The following DPP10 variants were observed in gnomAD, a reference collection of about 807,000 sequenced individuals.
DPP10 encodes the protein dipeptidyl peptidase like 10.
Under a neutral mutation model 120.9 loss-of-function variants are expected in DPP10, and 33 were observed. That is an observed-to-expected ratio of 0.27 (90% CI 0.21 to 0.37). The LOEUF (loss-of-function observed/expected upper bound fraction) is 0.37. Among genes scored for constraint, DPP10 ranks in the 10% least tolerant of loss-of-function variants. The probability of loss-of-function intolerance (pLI) is 1.00; values close to 1 mark genes in which losing one functional copy is unlikely to be tolerated. For synonymous variants in DPP10, 337 were observed against 326.1 expected (o/e 1.03, Z -0.36); for missense variants, 816 against 942.8 (o/e 0.87, Z 1.76).
chr2:115,082,352 G>A (rs939847275), intron 1 of DPP10, among the ~76,000 whole-genome samples: 7 of 152,044 alleles, frequency 4.6e-5, no homozygotes, highest in Middle Eastern at 3.2e-3. Flanking sequence ...CTCCAAACTG[G>A]TACAAAGTCT....
chr2:115,771,456 A>T (rs912252859), intron 13 of DPP10, among the ~76,000 whole-genome samples: 4 of 152,332 alleles, frequency 2.6e-5, no homozygotes, highest in Non-Finnish European at 5.9e-5. Context: ...CAGAGTTAAA[A>T]GCCCTTATAA....
chr2:115,152,343 A>C (rs2051610887), intron 1 of DPP10, among the ~76,000 whole-genome samples: 1 of 152,220 alleles, frequency 6.6e-6, no homozygotes, highest in Admixed American at 6.5e-5. Flanking sequence ...CTGGGCTACA[A>C]TTTGCCAGTC....
At chr2:115,594,282 A>G (rs2082859068) in intron 5 of DPP10, among the ~76,000 whole-genome samples, 1 of 152,318 alleles carries the variant, frequency 6.6e-6, no homozygotes, top group South Asian at 2.1e-4. Context: ...CTATATTGCC[A>G]TGAATTAAGA....
chr2:114,923,129 G>C (rs1695322897), intron 1 of DPP10, among the ~76,000 whole-genome samples: 1 of 151,710 alleles, frequency 6.6e-6, no homozygotes, highest in Admixed American at 6.6e-5. Flanking sequence ...TTGGATACAA[G>C]TCTGTCATCA....
intron 1 of DPP10, among the ~76,000 whole-genome samples, chr2:115,284,092 A>G (rs1325257521): frequency 6.6e-6 from 1 of 152,056 alleles, no homozygotes; most frequent in Non-Finnish European, 1.5e-5. Context: ...TCCCAGTTAC[A>G]AACAAATTAG....
At chr2:115,538,117 G>A (rs1269333000) in intron 5 of DPP10, among the ~76,000 whole-genome samples, 2 of 152,036 alleles carry the variant, frequency 1.3e-5, no homozygotes, top group African/African-American at 2.4e-5. Context: ...AGGTGGGAAG[G>A]AAGCAATGAG....
intron 1 of DPP10, among the ~76,000 whole-genome samples, chr2:114,499,167 A>G (rs976224082): frequency 6.6e-6 from 1 of 152,144 alleles, no homozygotes; most frequent in Non-Finnish European, 1.5e-5. Flanking sequence ...ACAGTGGCCA[A>G]CTTCATTCTC....
intron 5 of DPP10, among the ~76,000 whole-genome samples, chr2:115,634,297 T>A (rs2086140925): frequency 6.6e-6 from 1 of 152,112 alleles, no homozygotes. Context: ...GCTTTTTGAG[T>A]TTTCAACATT....
intron 1 of DPP10, among the ~76,000 whole-genome samples, chr2:114,536,712 G>A (rs1686532507): frequency 6.6e-6 from 1 of 151,962 alleles, no homozygotes; most frequent in African/African-American, 2.4e-5. Flanking sequence ...GCCAACTTTG[G>A]TCTGTTCTTC....
intron 1 of DPP10, among the ~76,000 whole-genome samples, chr2:114,493,011 A>G (rs1682141226): frequency 6.6e-6 from 1 of 152,200 alleles, no homozygotes; most frequent in Non-Finnish European, 1.5e-5. Context: ...AATAGTAGAA[A>G]GCTCCTGTGC....
intron 1 of DPP10, among the ~76,000 whole-genome samples, chr2:115,255,032 A>C (rs935187519): frequency 7.9e-5 from 12 of 152,050 alleles, no homozygotes; most frequent in African/African-American, 2.9e-4. Flanking sequence ...AGCAATGGGG[A>C]CTGTGTGTGG....
At chr2:114,534,656 C>T (rs555704725) in intron 1 of DPP10, among the ~76,000 whole-genome samples, 1 of 152,238 alleles carries the variant, frequency 6.6e-6, no homozygotes, top group South Asian at 2.1e-4. Flanking sequence ...ATGGTGCCCA[C>T]ACCCTCAACT....
chr2:115,174,867 G>A (rs938744614), intron 1 of DPP10, among the ~76,000 whole-genome samples: 23 of 152,188 alleles, frequency 1.5e-4, no homozygotes, highest in African/African-American at 5.3e-4. Flanking sequence ...CTGGAATGCA[G>A]CCAGTCAGCC....
At chr2:115,220,441 G>C (rs907105694) in intron 1 of DPP10, among the ~76,000 whole-genome samples, 1 of 152,032 alleles carries the variant, frequency 6.6e-6, no homozygotes, top group Non-Finnish European at 1.5e-5. Flanking sequence ...GGTCAGCATG[G>C]TGTCTCACAC....
Position 115,061,423 on chromosome 2 carries a change from G to A in DPP10, c.61-247816G>A, listed in dbSNP as rs192593706. On this transcript the variant is annotated intron_variant, in intron 1 of 25. Transcript: ENST00000410059. ...GGAAAAGGGCTATCAATTTATGAAG[G>A]AGGAGGCATGATAGTGACATCCATA... Among the ~76,000 whole-genome samples the A allele has an allele frequency of 5.4e-3, 826 of 152,280 alleles. 4 individuals carry two copies. The highest frequency in any genetic ancestry group is 8.6e-3 in the Admixed American group (132 of 15,302).
At chr2:115,805,923 A>G (rs1685906700) in intron 19 of DPP10, among the ~76,000 whole-genome samples, 1 of 152,104 alleles carries the variant, frequency 6.6e-6, no homozygotes, top group African/African-American at 2.4e-5. Flanking sequence ...TTATGATTAC[A>G]ACAGGGCAGA....
chr2:115,007,882 A>G (rs1481998317), intron 1 of DPP10, among the ~76,000 whole-genome samples: 1 of 151,810 alleles, frequency 6.6e-6, no homozygotes, highest in African/African-American at 2.4e-5. Flanking sequence ...GAGGTGAAGG[A>G]CCTCTTCAAG....
chr2:114,854,316 C>T (rs1689200680), intron 1 of DPP10, among the ~76,000 whole-genome samples: 1 of 152,052 alleles, frequency 6.6e-6, no homozygotes, highest in African/African-American at 2.4e-5. Flanking sequence ...CAGAATTGAC[C>T]TCTACTAATT....
chr2:115,037,485 GC>G (rs1340105393), intron 1 of DPP10, among the ~76,000 whole-genome samples: 4 of 152,040 alleles, frequency 2.6e-5, no homozygotes, highest in African/African-American at 9.7e-5. Flanking sequence ...AGGGCCTCCG[GC>G]AGGCAAAAGA....
Sources: gnomAD v4.1 joint callset for allele counts (sites outside exome capture counted in the v4.1 genomes callset) on GRCh38, gnomAD v4.1.1 for gene constraint, MANE v1.5 for transcripts, NCBI Gene and HGNC (gene_info 2026-07-23, HGNC 2026-07-21) for gene names.